MEIS1: variants seen among roughly 807,000 people sequenced by gnomAD.
The protein encoded by MEIS1 is Meis homeobox 1, also known as homeobox protein Meis1.
MEIS1 carries 5 observed loss-of-function variants against 50.8 expected under a neutral mutation model. The ratio of observed to expected loss-of-function variants is 0.10; its 90% CI spans 0.05 to 0.21. MEIS1 has a LOEUF of 0.21. MEIS1 is among the 10% of genes least tolerant of loss of function. MEIS1 has a pLI of 1.00. For missense variants in MEIS1, 318 were observed against 517.3 expected (o/e 0.61, Z 3.74); for synonymous variants, 176 against 179.3 (o/e 0.98, Z 0.15).
chr2:66,442,740 T>G, intron 5 of MEIS1, 162 bp from the exon 6 acceptor site: 1 of 614,958 alleles, frequency 1.6e-6, no homozygotes. Context: ...AAAAGAAAGT[T>G]ATTCCTAATT....
At chr2:66,533,720 T>TA (rs940992076) in intron 8 of MEIS1, among the ~76,000 whole-genome samples, 1 of 151,454 alleles carries the variant, frequency 6.6e-6, no homozygotes, top group African/African-American at 2.4e-5. Context: ...CAGGGCTTCT[T>TA]AAAAAAAAAT....
intron 7 of MEIS1, among the ~76,000 whole-genome samples, chr2:66,500,149 T>C (rs1027959203): frequency 4.6e-5 from 7 of 152,248 alleles, no homozygotes; most frequent in African/African-American, 1.7e-4. Context: ...GAGGGTCTTA[T>C]GATCATTTCT....
At chr2:66,442,429 T>A (rs1672013267) in intron 5 of MEIS1, among the ~76,000 whole-genome samples, 1 of 152,008 alleles carries the variant, frequency 6.6e-6, no homozygotes, top group African/African-American at 2.4e-5. Context: ...TCATTACAAA[T>A]ATAATAAGGA....
intron 7 of MEIS1, among the ~76,000 whole-genome samples, chr2:66,481,295 T>C (rs1673009794): frequency 6.6e-6 from 1 of 152,240 alleles, no homozygotes; most frequent in South Asian, 2.1e-4. Flanking sequence ...TGTGTTTATC[T>C]GCATCTTTCT....
intron 8 of MEIS1, among the ~76,000 whole-genome samples, chr2:66,516,071 T>C (rs546455855): frequency 1.3e-5 from 2 of 152,302 alleles, no homozygotes; most frequent in South Asian, 4.1e-4. Context: ...GTCCAAAGGC[T>C]TAGTGAAAAT....
rs530744985 is a variant in MEIS1 at position 66,572,941 on chromosome 2, T to C, written c.*1733T>C. ...TTAAGCTGACTTAATGAACTCCTAA[T>C]ATCAGCAAATTTGAGGCCTAAAGGC... On this transcript the variant is annotated 3_prime_UTR_variant, in exon 13 of 13. Transcript: ENST00000272369. The C allele has an allele frequency of 2.0e-5, 3 of 152,218 alleles. No homozygotes were observed. The highest frequency in any genetic ancestry group is 4.4e-5 in the Non-Finnish European group (3 of 68,040). The allele number at this position is 152,218 out of a possible 1,614,324, so 9.4% of individuals were successfully genotyped here. A position where few individuals can be genotyped will look rare whatever the true frequency, so the allele number is the denominator to read the frequency against.
chr2:66,469,769 C>T (rs943068396), intron 7 of MEIS1, among the ~76,000 whole-genome samples: 3 of 152,024 alleles, frequency 2.0e-5, no homozygotes, highest in Non-Finnish European at 4.4e-5. Flanking sequence ...TCCTTTATTT[C>T]TTTCCTATGG....
intron 2 of MEIS1, 95 bp from the exon 3 acceptor site, chr2:66,439,748 T>C: frequency 8.1e-6 from 13 of 1,601,182 alleles, no homozygotes. Context: ...GGGGGTCTGT[T>C]CCTCTTGCTC....
chr2:66,475,068 A>G (rs985826108), intron 7 of MEIS1, among the ~76,000 whole-genome samples: 1 of 150,996 alleles, frequency 6.6e-6, no homozygotes, highest in Non-Finnish European at 1.5e-5. Flanking sequence ...TAGCACCTTG[A>G]CACCCTTTTA....
intron 8 of MEIS1, among the ~76,000 whole-genome samples, chr2:66,521,025 C>G (rs1320539337): frequency 6.6e-6 from 1 of 152,182 alleles, no homozygotes; most frequent in Non-Finnish European, 1.5e-5. Context: ...GAGGGCTTGG[C>G]ATAAAACTTC....
At position 66,512,197 on chromosome 2, in the gene MEIS1, A is replaced by G; in HGVS notation, c.791A>G (p.Asp264Gly). The G allele has an allele frequency of 6.2e-7, 1 of 1,610,950 alleles. No homozygotes were observed. The highest frequency in any genetic ancestry group is 8.5e-7 in the Non-Finnish European group (1 of 1,178,216). The change falls in exon 8 of 13, where the codon GAT becomes GGT. Residue 264 changes from aspartate to glycine, a missense_variant. Asp to Gly is a moderately conservative substitution (Grantham distance 94). This residue lies in a region of MEIS1 where 40 missense variants were observed against 102.8 expected (regional missense o/e 0.39). Coordinates refer to ENST00000272369, the MANE Select transcript of MEIS1 (RefSeq NM_002398.3). ...GCTTCCCCCAGCACAGGTGACGATGATGACCCTGATAAGGACAAAAAGCGT... is the reference window on the plus strand; with the variant it reads ...GCTTCCCCCAGCACAGGTGACGATGGTGACCCTGATAAGGACAAAAAGCGT... The part of the protein sequence containing the change: ...SVASPSTGDD[D>G]DPDKDKKRHK...
At chr2:66,568,609 G>A in intron 10 of MEIS1, 58 bp from the exon 11 acceptor site, 1 of 1,274,718 alleles carries the variant, frequency 7.8e-7, no homozygotes, top group Non-Finnish European at 1.1e-6. Context: ...TCTCTCTTGG[G>A]CTATTTCTTT....
chr2:66,530,326 A>G (rs765427828), intron 8 of MEIS1, among the ~76,000 whole-genome samples: 18 of 152,190 alleles, frequency 1.2e-4, no homozygotes, highest in Non-Finnish European at 2.4e-4. Flanking sequence ...CACATTTCAT[A>G]ATCAATCTGT....
chr2:66,491,177 A>G (rs1376195928), intron 7 of MEIS1, among the ~76,000 whole-genome samples: 1 of 152,242 alleles, frequency 6.6e-6, no homozygotes, highest in African/African-American at 2.4e-5. Context: ...TGATGCAATA[A>G]TAGTCCCCTT....
chr2:66,437,516 C>A, intron 1 of MEIS1: 2 of 577,828 alleles, frequency 3.5e-6, no homozygotes, highest in Non-Finnish European at 6.2e-6. Flanking sequence ...CAAGTTAGGG[C>A]AAGATCATTC....
In MEIS1 at chr2:66,478,142, G is replaced by T. The variant is rs1157037610; in HGVS notation, c.742+13922G>T. Among the ~76,000 whole-genome samples the T allele has an allele frequency of 2.0e-5, 3 of 152,264 alleles. No individual in the cohort carries two copies. In the East Asian group the frequency reaches 5.8e-4, roughly 29 times the overall value. On this transcript the variant is annotated intron_variant, in intron 7 of 12. Coordinates refer to ENST00000272369, the MANE Select transcript of MEIS1 (RefSeq NM_002398.3). ...TTTCTTCCCCAAGATGTGGGTTTAT[G>T]TGTTTTTAGAAGAATTAGCTTTACT...
chr2:66,540,422 G>A (rs1453547731), intron 8 of MEIS1, among the ~76,000 whole-genome samples: 3 of 152,074 alleles, frequency 2.0e-5, no homozygotes, highest in African/African-American at 7.2e-5. Flanking sequence ...GGATTCTCCT[G>A]CCTCAGCCTG....
At chr2:66,484,507 G>A (rs530873836) in intron 7 of MEIS1, among the ~76,000 whole-genome samples, 19 of 152,138 alleles carry the variant, frequency 1.2e-4, no homozygotes, top group Middle Eastern at 3.4e-3. Flanking sequence ...AATCAAACAT[G>A]ATCCCATTCC....
intron 7 of MEIS1, among the ~76,000 whole-genome samples, chr2:66,487,766 G>T (rs1673177067): frequency 6.6e-6 from 1 of 152,198 alleles, no homozygotes; most frequent in Non-Finnish European, 1.5e-5. Flanking sequence ...TGAGCTAGGT[G>T]ATTGAATGTT....
Sources: allele counts gnomAD v4.1 joint callset (sites outside exome capture counted in the v4.1 genomes callset), GRCh38; gene constraint gnomAD v4.1.1; regional missense constraint gnomAD v4.1.1; transcripts MANE v1.5; gene names NCBI Gene and HGNC (gene_info 2026-07-23, HGNC 2026-07-21).